PLEKHA7: variants seen among roughly 807,000 people sequenced by gnomAD.
PLEKHA7 encodes pleckstrin homology domain containing A7.
PLEKHA7 carries 104 observed loss-of-function variants against 170.0 expected under a neutral mutation model. The ratio of observed to expected loss-of-function variants is 0.61; its 90% CI spans 0.52 to 0.72. The LOEUF (loss-of-function observed/expected upper bound fraction) is 0.72, where lower values mean the gene tolerates loss of function less well. PLEKHA7 is among the 30% of genes least tolerant of loss of function. The pLI is 0.00. For synonymous variants in PLEKHA7, 648 were observed against 660.8 expected (o/e 0.98, Z 0.30); for missense variants, 1,615 against 1,671.7 (o/e 0.97, Z 0.59).
At chr11:16,792,230 T>C (rs866448588) in intron 19 of PLEKHA7, among the ~76,000 whole-genome samples, 5 of 152,250 alleles carry the variant, frequency 3.3e-5, no homozygotes, top group South Asian at 2.1e-4. Flanking sequence ...ACATAAAACA[T>C]TGATTGCCTT....
intron 12 of PLEKHA7, 157 bp from the exon 13 acceptor site, chr11:16,813,323 T>G: frequency 1.8e-6 from 1 of 554,796 alleles, no homozygotes; most frequent in Admixed American, 2.6e-5. Context: ...CACAAATGTC[T>G]CGGTGCAGCT....
At chr11:16,890,149 G>C (rs537773611) in intron 3 of PLEKHA7, among the ~76,000 whole-genome samples, 1 of 152,154 alleles carries the variant, frequency 6.6e-6, no homozygotes, top group South Asian at 2.1e-4. Context: ...AATGCTCAAA[G>C]GAATTCTAAA....
At chr11:16,901,994 A>C (rs1177975771) in intron 3 of PLEKHA7, among the ~76,000 whole-genome samples, 1 of 152,194 alleles carries the variant, frequency 6.6e-6, no homozygotes, top group East Asian at 1.9e-4. Flanking sequence ...CTCTCTAGCG[A>C]TCACCCCAGC....
At chr11:16,967,093 A>G (rs1375283581) in intron 3 of PLEKHA7, among the ~76,000 whole-genome samples, 1 of 152,238 alleles carries the variant, frequency 6.6e-6, no homozygotes, top group Non-Finnish European at 1.5e-5. Context: ...TCCAACAGAA[A>G]TGCAGAAAGC....
intron 13 of PLEKHA7, among the ~76,000 whole-genome samples, chr11:16,811,536 C>T (rs1849372920): frequency 6.6e-6 from 1 of 152,146 alleles, no homozygotes; most frequent in Admixed American, 6.5e-5. Context: ...GTGGGAACAA[C>T]CCTGTCTGTC....
At chr11:16,988,508 G>A (rs1863861193) in intron 3 of PLEKHA7, among the ~76,000 whole-genome samples, 1 of 152,088 alleles carries the variant, frequency 6.6e-6, no homozygotes, top group African/African-American at 2.4e-5. Context: ...GTGCAATGGT[G>A]TGATCTCAGC....
chr11:16,855,485 C>T, intron 5 of PLEKHA7: 1 of 317,764 alleles, frequency 3.1e-6, no homozygotes, highest in Non-Finnish European at 5.8e-6. Flanking sequence ...GGCCTCATGT[C>T]ACCAAATCTC....
intron 3 of PLEKHA7, among the ~76,000 whole-genome samples, chr11:17,011,072 G>C (rs1427364220): frequency 2.0e-5 from 3 of 152,186 alleles, no homozygotes; most frequent in African/African-American, 7.2e-5. Context: ...AAAATCATTA[G>C]GGACCTCACA....
At chr11:16,861,329 C>A (rs2135533877) in intron 4 of PLEKHA7, among the ~76,000 whole-genome samples, 1 of 150,146 alleles carries the variant, frequency 6.7e-6, no homozygotes, top group Middle Eastern at 3.4e-3. Context: ...AGTTCAAGAC[C>A]AGTCTGGTCT....
At chr11:16,827,602 T>C (rs766009996) in intron 9 of PLEKHA7, among the ~76,000 whole-genome samples, 50 of 152,198 alleles carry the variant, frequency 3.3e-4, no homozygotes, top group East Asian at 1.2e-3. Context: ...TCTTTCATGG[T>C]CCATCTCCCT....
chr11:16,802,824 G>A, intron 15 of PLEKHA7, 148 bp downstream of exon 15: 1 of 706,884 alleles, frequency 1.4e-6, no homozygotes, highest in Non-Finnish European at 2.4e-6. Flanking sequence ...GAGATTACAG[G>A]CATGAGCCAC....
chr11:16,893,503 C>T (rs1308506800), intron 3 of PLEKHA7, among the ~76,000 whole-genome samples: 3 of 152,142 alleles, frequency 2.0e-5, no homozygotes, highest in Non-Finnish European at 4.4e-5. Flanking sequence ...CCTTTTCTCT[C>T]AGTGTCACCT....
At chr11:16,953,926 T>A (rs1861549050) in intron 3 of PLEKHA7, among the ~76,000 whole-genome samples, 1 of 152,178 alleles carries the variant, frequency 6.6e-6, no homozygotes. Context: ...AAACAATAAT[T>A]TGCCCTTTAT....
chr11:16,865,624 G>A (rs893848238), intron 4 of PLEKHA7, among the ~76,000 whole-genome samples: 1 of 109,246 alleles, frequency 9.2e-6, no homozygotes, highest in Non-Finnish European at 2.2e-5. Context: ...TTGAACCCAG[G>A]AGGTAGAGGT....
At chr11:16,995,363 C>G (rs1285477082) in intron 3 of PLEKHA7, among the ~76,000 whole-genome samples, 2 of 152,172 alleles carry the variant, frequency 1.3e-5, no homozygotes, top group Non-Finnish European at 2.9e-5. Flanking sequence ...CAGTGAATGT[C>G]TGCTAAATGA....
At chr11:16,945,678 A>T (rs978428298) in intron 3 of PLEKHA7, among the ~76,000 whole-genome samples, 1 of 152,152 alleles carries the variant, frequency 6.6e-6, no homozygotes, top group South Asian at 2.1e-4. Flanking sequence ...AATATCTGGC[A>T]CTCTGTGGAG....
At chr11:16,963,315 T>C (rs1441189813) in intron 3 of PLEKHA7, among the ~76,000 whole-genome samples, 1 of 152,206 alleles carries the variant, frequency 6.6e-6, no homozygotes, top group Non-Finnish European at 1.5e-5. Flanking sequence ...CCTTGTACCT[T>C]GCTTAATTTA....
At chr11:16,839,600 T>G (rs10832693) in intron 9 of PLEKHA7, among the ~76,000 whole-genome samples, 6,578 of 152,088 alleles carry the variant, frequency 0.043, 202 homozygotes, top group East Asian at 0.13. Context: ...TTGTCTGTAC[T>G]GAACACATGC....
At chr11:16,805,789 C>CAAA (rs11339921) in intron 13 of PLEKHA7, among the ~76,000 whole-genome samples, 1 of 111,218 alleles carries the variant, frequency 9.0e-6, no homozygotes, top group Non-Finnish European at 1.9e-5. Flanking sequence ...GACTCCATGT[C>CAAA]AAAAAAAAAA....
Sources: allele counts gnomAD v4.1 joint callset (sites outside exome capture counted in the v4.1 genomes callset), GRCh38; gene constraint gnomAD v4.1.1; transcripts MANE v1.5; gene names NCBI Gene and HGNC (gene_info 2026-07-23, HGNC 2026-07-21).